The following CBR4 variants were observed in gnomAD, a reference collection of about 807,000 sequenced individuals.
CBR4 encodes the protein carbonyl reductase 4, also known as 3-oxoacyl-[acyl-carrier-protein] reductase.
In CBR4, 22 loss-of-function variants were observed where a neutral mutation model predicts 21.0. That is an observed-to-expected ratio of 1.05 (90% CI 0.75 to 1.50). The LOEUF (loss-of-function observed/expected upper bound fraction) is 1.50, where lower values mean the gene tolerates loss of function less well. CBR4 is among the 40% of genes most tolerant of loss of function. The probability of loss-of-function intolerance (pLI) is 0.00; values close to 1 mark genes in which losing one functional copy is unlikely to be tolerated. For missense variants in CBR4, 302 were observed against 286.3 expected (o/e 1.05, Z -0.40); for synonymous variants, 100 against 104.4 (o/e 0.96, Z 0.26).
rs957229648 is a variant in CBR4, at chr4:169,006,877, A to G, written c.278T>C (p.Val93Ala). 6.2e-7 allele frequency: 1 copy of G among 1,612,524 alleles called. No individual in the cohort carries two copies. Among genetic ancestry groups the G allele is most frequent in the Non-Finnish European group, 8.5e-7 (1 of 1,178,706 alleles). Residue 93 changes from valine to alanine, a missense_variant, in exon 3 of 5, where the codon GTA (valine) becomes GCA (alanine). Physicochemically the swap from Val to Ala is moderately conservative, Grantham distance 64 (BLOSUM62 0). Transcript: ENST00000306193. ...TACCATATCTTCAGTTTTTGTTCTT[A>G]CTAAAAGACCATCCCTACAAAAAGA... ...AAGINRDGLL[V>A]RTKTEDMVSQ...
intron 4 of CBR4, among the ~76,000 whole-genome samples, chr4:168,995,800 T>C (rs1378550139): frequency 6.6e-6 from 1 of 152,018 alleles, no homozygotes; most frequent in Non-Finnish European, 1.5e-5. Context: ...AGACATGTGA[T>C]CCCCCAAAAA....
intron 2 of CBR4, among the ~76,000 whole-genome samples, chr4:168,943,577 A>C (rs948376829): frequency 6.6e-6 from 1 of 152,186 alleles, no homozygotes; most frequent in African/African-American, 2.4e-5. Flanking sequence ...TTCCAGCCCA[A>C]GTATCAGAGA....
intron 2 of CBR4, among the ~76,000 whole-genome samples, chr4:168,975,174 C>T (rs1367622224): frequency 6.6e-6 from 1 of 152,136 alleles, no homozygotes; most frequent in African/African-American, 2.4e-5. Context: ...TGTTACTGCC[C>T]TTCTGGGTCT....
chr4:168,903,651 G>A (rs1757021513), intron 2 of CBR4: 1 of 921,794 alleles, frequency 1.1e-6, no homozygotes, highest in African/African-American at 1.6e-5. Flanking sequence ...ATTTTAACAT[G>A]AAAACTCAGA....
Position 168,925,041 on chromosome 4 carries a change from A to G in CBR4, n.170-30276T>C, listed in dbSNP as rs764265611. ...ATACTGTGTCAGCCAAGAATGAAGC[A>G]GGGATTGTGTCCTGTACTGCCAGGC... On this transcript the variant is annotated intron_variant and non_coding_transcript_variant, in intron 2 of 3. Transcript: ENST00000509108. 37 of 1,614,032 alleles carry G rather than the reference A, an allele frequency of 2.3e-5. No homozygotes were observed. In the Admixed American group the frequency reaches 3.7e-4, roughly 16 times the overall value.
chr4:168,914,056 T>G (rs766855085), intron 2 of CBR4: 4 of 1,173,376 alleles, frequency 3.4e-6, no homozygotes, highest in Non-Finnish European at 5.1e-6. Flanking sequence ...AGTGTTACAT[T>G]ATTTTATTTA....
intron 2 of CBR4, chr4:168,924,374 T>C: frequency 6.2e-7 from 1 of 1,613,990 alleles, no homozygotes; most frequent in Non-Finnish European, 8.5e-7. Context: ...TCAGATATTT[T>C]GGAAGAAAGA....
intron 2 of CBR4, among the ~76,000 whole-genome samples, chr4:168,939,934 A>G (rs1049146606): frequency 1.3e-5 from 2 of 152,196 alleles, no homozygotes; most frequent in African/African-American, 4.8e-5. Context: ...ATTAGAAAAA[A>G]CTACTTTAAA....
intron 4 of CBR4, among the ~76,000 whole-genome samples, chr4:168,993,593 T>TA (rs1419686249): frequency 1.3e-5 from 2 of 152,154 alleles, no homozygotes; most frequent in Non-Finnish European, 2.9e-5. Flanking sequence ...GCAGAATGAA[T>TA]AAAAATTGTC....
chr4:168,939,608 C>CA (rs1356129528), intron 2 of CBR4, among the ~76,000 whole-genome samples: 14 of 152,304 alleles, frequency 9.2e-5, no homozygotes, highest in Non-Finnish European at 1.5e-5. Flanking sequence ...TCTCAGGATA[C>CA]AAAATCAGTG....
At position 168,935,009 on chromosome 4, in the gene CBR4, C is replaced by T. The variant is rs910920603; in HGVS notation, n.170-40244G>A. Among the ~76,000 whole-genome samples, 27 of 152,218 alleles carry T rather than the reference C, an allele frequency of 1.8e-4. 1 individual carries two copies. The highest frequency in any genetic ancestry group is 2.6e-4 in the Non-Finnish European group (18 of 68,026). ...GAAGATGGCCAAATGGGAACAGCTC[C>T]GGTCTGCAACCCCCAGCAAGATCAA... On this transcript the variant is annotated intron_variant and non_coding_transcript_variant, in intron 2 of 3. Transcript: ENST00000509108.
chr4:168,989,790 G>T lies in CBR4; in HGVS notation c.*360C>A. 1 of 996,208 alleles carries T rather than the reference G, an allele frequency of 1.0e-6. No individual in the cohort carries two copies. Among genetic ancestry groups the T allele is most frequent in the Non-Finnish European group, 1.2e-6 (1 of 837,358 alleles). The allele number at this position is 996,208 out of a possible 1,614,324, so 61.7% of individuals were successfully genotyped here. A position where few individuals can be genotyped will look rare whatever the true frequency, so the allele number is the denominator to read the frequency against. On this transcript the variant is annotated 3_prime_UTR_variant, in exon 5 of 5. Coordinates refer to ENST00000306193, the MANE Select transcript of CBR4 (RefSeq NM_032783.5). ...GCTACAGTCTATGAGGTAACCAAAG[G>T]TAAGTGATACACATCCTTTAGAAAA...
At position 168,988,409 on chromosome 4, in the gene CBR4, G is replaced by C. The variant is rs568213986; in HGVS notation, c.*1741C>G. On this transcript the variant is annotated 3_prime_UTR_variant, in exon 5 of 5. Transcript: ENST00000306193. The stretch of plus-strand genomic sequence containing the variant: ...CTGCTTTCTACCCAAATCACCAATT[G>C]AATCAGCCTCGCTCATGATTTCAGA... The C allele has an allele frequency of 1.0e-5, 10 of 985,366 alleles. No homozygotes were observed. The African/African-American group carries it at 1.4e-4, about 14-fold the overall frequency. 61.0% of individuals were successfully genotyped at this position (985,366 alleles called of 1,614,324 possible). A position where few individuals can be genotyped will look rare whatever the true frequency, so the allele number is the denominator to read the frequency against.
chr4:168,918,356 A>C (rs1218593251), intron 2 of CBR4, among the ~76,000 whole-genome samples: 1 of 151,956 alleles, frequency 6.6e-6, no homozygotes, highest in Non-Finnish European at 1.5e-5. Flanking sequence ...ATACACACAC[A>C]GTGGAAAATT....
intron 2 of CBR4, among the ~76,000 whole-genome samples, chr4:168,968,982 A>G (rs1764125519): frequency 6.6e-6 from 1 of 152,212 alleles, no homozygotes; most frequent in African/African-American, 2.4e-5. Flanking sequence ...CTAGGGACAC[A>G]GTGGACCGAA....
intron 3 of CBR4, chr4:168,894,556 T>A: frequency 6.5e-7 from 1 of 1,538,416 alleles, no homozygotes; most frequent in African/African-American, 1.4e-5. Context: ...AATTTTGTAT[T>A]TTTTGTGACT....
chr4:168,959,962 G>A (rs892961000), intron 2 of CBR4, among the ~76,000 whole-genome samples: 11 of 151,452 alleles, frequency 7.3e-5, no homozygotes, highest in African/African-American at 7.3e-5. Flanking sequence ...ACATGTTAAC[G>A]ATATTGAATC....
intron 2 of CBR4, chr4:168,927,916 ATTAT>A (rs1349168321): frequency 5.0e-6 from 1 of 201,366 alleles, no homozygotes; most frequent in Non-Finnish European, 1.0e-5. Flanking sequence ...TGTATCTTTC[ATTAT>A]TTATAAGTGG....
At chr4:168,896,806 T>C (rs1755281238) in intron 2 of CBR4, among the ~76,000 whole-genome samples, 1 of 152,130 alleles carries the variant, frequency 6.6e-6, no homozygotes, top group Non-Finnish European at 1.5e-5. Context: ...AATTTATTTA[T>C]TTATTTTTAC....
Sources: allele counts gnomAD v4.1 joint callset (sites outside exome capture counted in the v4.1 genomes callset), GRCh38; gene constraint gnomAD v4.1.1; transcripts MANE v1.5; gene names NCBI Gene and HGNC (gene_info 2026-07-23, HGNC 2026-07-21).